FHOD3: variants seen among roughly 807,000 people sequenced by gnomAD.
The protein encoded by FHOD3 is formin homology 2 domain containing 3, also known as FH1/FH2 domain-containing protein 3.
In FHOD3, 90 loss-of-function variants were observed where a neutral mutation model predicts 173.0. The ratio of observed to expected loss-of-function variants is 0.52; its 90% CI spans 0.44 to 0.62. The LOEUF (loss-of-function observed/expected upper bound fraction) is 0.62, where lower values mean the gene tolerates loss of function less well. Ranked by LOEUF, FHOD3 falls within the 20% of genes least tolerant of loss-of-function variation. FHOD3 has a pLI of 0.00. For synonymous variants in FHOD3, 828 were observed against 823.0 expected (o/e 1.01, Z -0.10); for missense variants, 1,945 against 2,034.7 (o/e 0.96, Z 0.85).
At chr18:36,727,754 C>T (rs1186212737) in intron 19 of FHOD3, among the ~76,000 whole-genome samples, 1 of 152,160 alleles carries the variant, frequency 6.6e-6, no homozygotes, top group Non-Finnish European at 1.5e-5. Context: ...AAATTGCTTG[C>T]TACATGTGGA....
intron 1 of FHOD3, among the ~76,000 whole-genome samples, chr18:36,340,379 TGC>T (rs2045549436): frequency 6.6e-6 from 1 of 152,206 alleles, no homozygotes; most frequent in South Asian, 2.1e-4. Flanking sequence ...TGTGAATGTT[TGC>T]AGAAGACTAG....
chr18:36,302,041 T>C (rs1378249633), intron 1 of FHOD3, among the ~76,000 whole-genome samples: 1 of 152,204 alleles, frequency 6.6e-6, no homozygotes, highest in Non-Finnish European at 1.5e-5. Flanking sequence ...TTGCAGCTCA[T>C]AGAAGGAGAG....
At chr18:36,736,636 C>T (rs989288174) in intron 20 of FHOD3, among the ~76,000 whole-genome samples, 3 of 152,168 alleles carry the variant, frequency 2.0e-5, no homozygotes, top group Admixed American at 2.0e-4. Flanking sequence ...CTCTCTCTGA[C>T]ATCAAACGAC....
chr18:36,543,174 G>C (rs140203257), intron 5 of FHOD3, among the ~76,000 whole-genome samples: 19 of 152,254 alleles, frequency 1.2e-4, no homozygotes, highest in African/African-American at 4.6e-4. Context: ...CAGCCTGCCA[G>C]CCTACCCTGC....
chr18:36,575,612 T>C lies in FHOD3; in HGVS notation c.512-839T>C, dbSNP rs2058619953. Among the ~76,000 whole-genome samples, 7 of 152,236 alleles carry C rather than the reference T, an allele frequency of 4.6e-5. No homozygotes were observed. In the South Asian group the frequency reaches 1.4e-3, roughly 31 times the overall value. ...ATAAAAAATGTTGTTTAGAAAAATGTCAATGCCCTGACAATTAGTTATGGG... is the reference window on the plus strand; with the variant it reads ...ATAAAAAATGTTGTTTAGAAAAATGCCAATGCCCTGACAATTAGTTATGGG... On this transcript the variant is annotated intron_variant, in intron 5 of 28. Transcript: ENST00000590592.
At chr18:36,488,548 G>A (rs147050436) in intron 3 of FHOD3, among the ~76,000 whole-genome samples, 160 of 152,302 alleles carry the variant, frequency 1.1e-3, no homozygotes, top group African/African-American at 3.7e-3. Context: ...ACTATTCACT[G>A]TATGGAGGAC....
At chr18:36,517,526 A>G (rs917502901) in intron 5 of FHOD3, among the ~76,000 whole-genome samples, 1 of 152,236 alleles carries the variant, frequency 6.6e-6, no homozygotes, top group African/African-American at 2.4e-5. Flanking sequence ...AAATAGAAAC[A>G]GTAAGACCAG....
intron 28 of FHOD3, among the ~76,000 whole-genome samples, chr18:36,769,943 C>T (rs1159048040): frequency 1.3e-5 from 2 of 152,130 alleles, no homozygotes; most frequent in East Asian, 3.9e-4. Context: ...TTAACGTGGC[C>T]TAGGTTGACC....
Position 36,611,946 on chromosome 18 carries a change from T to G in FHOD3, c.814-6T>G. 6.2e-7 allele frequency: 1 copy of G among 1,612,852 alleles called. No individual in the cohort carries two copies. The highest frequency in any genetic ancestry group is 1.1e-5 in the South Asian group (1 of 90,794). ...GTCTCTGTAGCTGGTTCTTCTCTTC[T>G]TCCAGACGTTATCAGGACTACCAGA... On this transcript the variant is annotated splice_polypyrimidine_tract_variant and splice_region_variant and intron_variant, in intron 8 of 28. Transcript: ENST00000590592.
At chr18:36,692,177 G>A (rs2039004773) in intron 16 of FHOD3, among the ~76,000 whole-genome samples, 1 of 152,206 alleles carries the variant, frequency 6.6e-6, no homozygotes, top group African/African-American at 2.4e-5. Context: ...TGCAAAAAAT[G>A]CATGCTTTTT....
chr18:36,527,345 A>G (rs2056569540), intron 5 of FHOD3, among the ~76,000 whole-genome samples: 1 of 152,248 alleles, frequency 6.6e-6, no homozygotes, highest in Admixed American at 6.5e-5. Flanking sequence ...GGATTTAATT[A>G]AAAAGCACCC....
intron 5 of FHOD3, among the ~76,000 whole-genome samples, chr18:36,576,210 C>T (rs2058642670): frequency 6.6e-6 from 1 of 152,216 alleles, no homozygotes; most frequent in Non-Finnish European, 1.5e-5. Flanking sequence ...ACAACAATCA[C>T]TGGATTGGTG....
At chr18:36,634,246 G>A (rs1019276731) in intron 10 of FHOD3, among the ~76,000 whole-genome samples, 1 of 152,114 alleles carries the variant, frequency 6.6e-6, no homozygotes, top group Non-Finnish European at 1.5e-5. Flanking sequence ...CTATTTTCCT[G>A]CAGGAGTGAA....
At chr18:36,758,832 A>T (rs1439039653) in intron 25 of FHOD3, among the ~76,000 whole-genome samples, 1 of 152,174 alleles carries the variant, frequency 6.6e-6, no homozygotes, top group Non-Finnish European at 1.5e-5. Context: ...CAGGGAATCG[A>T]GTTAGCTGAC....
rs186749666 is a variant in FHOD3 at position 36,585,656 on chromosome 18, A to G, written c.606+9111A>G. Among the ~76,000 whole-genome samples the G allele has an allele frequency of 3.3e-5, 5 of 152,286 alleles. No individual in the cohort carries two copies. The East Asian group carries it at 5.8e-4, about 18-fold the overall frequency. ...TCAGGGAGCTGATTGTGGTTCCTCA[A>G]TTCTTAAGAGGCTTGCTGATAAACC... On this transcript the variant is annotated intron_variant, in intron 6 of 28. Transcript: ENST00000590592.
intron 5 of FHOD3, among the ~76,000 whole-genome samples, chr18:36,526,766 A>G (rs1257723178): frequency 6.6e-6 from 1 of 152,230 alleles, no homozygotes; most frequent in Non-Finnish European, 1.5e-5. Flanking sequence ...GAATTTCATA[A>G]AACATGAAAT....
At chr18:36,460,258 G>C (rs761971522) in intron 3 of FHOD3, among the ~76,000 whole-genome samples, 1 of 152,098 alleles carries the variant, frequency 6.6e-6, no homozygotes, top group Non-Finnish European at 1.5e-5. Context: ...GTCACCATAC[G>C]CAGCCCAAAA....
At chr18:36,696,618 A>G (rs1182476987) in intron 17 of FHOD3, among the ~76,000 whole-genome samples, 1 of 152,202 alleles carries the variant, frequency 6.6e-6, no homozygotes, top group East Asian at 1.9e-4. Flanking sequence ...ATCTGCTATA[A>G]CTTTTGTATG....
chr18:36,351,572 A>T (rs2046129804), intron 1 of FHOD3, among the ~76,000 whole-genome samples: 2 of 152,242 alleles, frequency 1.3e-5, no homozygotes, highest in African/African-American at 4.8e-5. Context: ...TGCCTGACAT[A>T]TAATTTTGTT....
Sources: allele counts gnomAD v4.1 joint callset (sites outside exome capture counted in the v4.1 genomes callset), GRCh38; gene constraint gnomAD v4.1.1; transcripts MANE v1.5; gene names NCBI Gene and HGNC (gene_info 2026-07-23, HGNC 2026-07-21).